Variants in IFT122 observed in about 807,000 individuals in gnomAD.
The protein encoded by IFT122 is intraflagellar transport 122, also known as intraflagellar transport protein 122 homolog.
In IFT122, 118 loss-of-function variants were observed where a neutral mutation model predicts 161.6. The ratio of observed to expected loss-of-function variants is 0.73; its 90% confidence interval spans 0.63 to 0.85. The LOEUF is 0.85. Among genes scored for constraint, IFT122 ranks in the 40% least tolerant of loss-of-function variants. IFT122 has a pLI of 0.00. For synonymous variants in IFT122, 550 were observed against 602.4 expected (o/e 0.91, Z 1.27); for missense variants, 1,381 against 1,579.6 (o/e 0.87, Z 2.13).
intron 23 of IFT122, among the ~76,000 whole-genome samples, chr3:129,511,173 G>C (rs1179492017): frequency 1.3e-5 from 2 of 152,200 alleles, no homozygotes; most frequent in Non-Finnish European, 2.9e-5. Context: ...ATCTTTCCCA[G>C]AGGAAAGGAC....
intron 4 of IFT122, among the ~76,000 whole-genome samples, chr3:129,460,613 C>G (rs1401772521): frequency 6.6e-6 from 1 of 152,076 alleles, no homozygotes; most frequent in Non-Finnish European, 1.5e-5. Context: ...ACCACATTTT[C>G]TTTATCCATT....
At chr3:129,500,949 A>G (rs2081459900) in intron 19 of IFT122, among the ~76,000 whole-genome samples, 1 of 152,226 alleles carries the variant, frequency 6.6e-6, no homozygotes, top group Non-Finnish European at 1.5e-5. Flanking sequence ...AGCTGAGGGC[A>G]TGAGAGAGAA....
chr3:129,479,277 A>T (rs1222943224), intron 12 of IFT122, among the ~76,000 whole-genome samples: 1 of 151,262 alleles, frequency 6.6e-6, no homozygotes, highest in East Asian at 1.9e-4. Flanking sequence ...AAAAAAAAAA[A>T]AATTATTTAA....
Position 129,483,615 on chromosome 3 carries a change from T to C in IFT122, c.1784T>C (p.Val595Ala), listed in dbSNP as rs766439305. The part of the protein sequence containing the change: ...VHRQKLQGFV[V>A]GYNGSKIFCL... ...CGGCAGAAGCTGCAGGGCTTTGTGG[T>C]CGGCTACAATGGCTCCAAGATCTTC... Residue 595 changes from valine to alanine, a missense_variant, in exon 15 of 30, where the codon GTC becomes GCC. Physicochemically the swap from Val to Ala is moderately conservative, Grantham distance 64 (BLOSUM62 0). This residue lies in a region of IFT122 where 544 missense variants were observed against 648.0 expected (regional missense o/e 0.84). Transcript: ENST00000348417. 1.2e-6 allele frequency: 2 copies of C among 1,613,766 alleles called. No individual in the cohort carries two copies. The highest frequency in any genetic ancestry group is 1.1e-5 in the South Asian group (1 of 91,032).
At chr3:129,453,335 A>G (rs974966344) in intron 3 of IFT122, among the ~76,000 whole-genome samples, 2 of 152,112 alleles carry the variant, frequency 1.3e-5, no homozygotes, top group Non-Finnish European at 2.9e-5. Flanking sequence ...GAGAGTGGCA[A>G]TGGGGAAGGG....
At chr3:129,515,059 G>A (rs2083315461) in intron 25 of IFT122, 1 of 371,822 alleles carries the variant, frequency 2.7e-6, no homozygotes, top group Non-Finnish European at 5.1e-6. Flanking sequence ...TTCACATCCC[G>A]GCTCCACCCT....
intron 26 of IFT122, among the ~76,000 whole-genome samples, chr3:129,516,309 GAGACTGCCCCTGCACACACAC>G: frequency 1.4e-5 from 1 of 70,582 alleles, no homozygotes; most frequent in Middle Eastern, 0.014. Flanking sequence ...CACACACACA[GAGACTGCCCCTGCACACACAC>G]AGAGACTGCC....
intron 8 of IFT122, 137 bp downstream of exon 8, chr3:129,467,203 A>T (rs1026741723): frequency 1.4e-6 from 1 of 729,404 alleles, no homozygotes; most frequent in African/African-American, 1.8e-5. Context: ...CGCCTTCAAA[A>T]AAAGGAGACA....
rs763905862 is a variant in IFT122, at chr3:129,476,393, G to T, written c.895G>T (p.Gly299Cys). ...TAAAGGCGAGTACATTTTGCTGGGGGGTTCAGACAAGCAAGTATCTCTTTT... is the reference window on the plus strand; with the variant it reads ...TAAAGGCGAGTACATTTTGCTGGGGTGTTCAGACAAGCAAGTATCTCTTTT... Reference protein sequence around the residue: ...FTKGEYILLGGSDKQVSLFTK... With the variant: ...FTKGEYILLGCSDKQVSLFTK... Residue 299 changes from glycine to cysteine, a missense_variant, in exon 10 of 30, where the codon GGT becomes TGT. Coordinates refer to ENST00000348417, the MANE Select transcript of IFT122 (RefSeq NM_052989.3). 6.2e-7 allele frequency: 1 copy of T among 1,614,070 alleles called. No individual in the cohort carries two copies.
chr3:129,444,647 G>A (rs534726239), intron 1 of IFT122, among the ~76,000 whole-genome samples: 1 of 151,834 alleles, frequency 6.6e-6, no homozygotes, highest in South Asian at 2.1e-4. Flanking sequence ...TCAGCCTCCC[G>A]AGTAGGTGGG....
intron 4 of IFT122, chr3:129,459,561 CA>C (rs1365761453): frequency 5.0e-6 from 1 of 198,726 alleles, no homozygotes; most frequent in African/African-American, 2.4e-5. Flanking sequence ...GTCCCTGATA[CA>C]ATGCCTAGCC....
intron 14 of IFT122, among the ~76,000 whole-genome samples, chr3:129,482,508 C>T (rs1193867329): frequency 6.6e-6 from 1 of 152,170 alleles, no homozygotes; most frequent in Non-Finnish European, 1.5e-5. Flanking sequence ...CCAGGCTCCT[C>T]CTTGTTCTCA....
rs186846736 is a variant in IFT122 at position 129,519,758 on chromosome 3, A to G, written c.3636+26A>G. 383 of 1,612,352 alleles carry G rather than the reference A, an allele frequency of 2.4e-4. 4 individuals are homozygous for G. The East Asian group carries it at 7.5e-3, about 32-fold the overall frequency. Reference sequence around the variant, plus strand: ...GTAGGTGGCCACCCTGGTAGCTCACATGTGCTTCTCTTGGCCACTTTTCCC... The same window carrying G: ...GTAGGTGGCCACCCTGGTAGCTCACGTGTGCTTCTCTTGGCCACTTTTCCC... On this transcript the variant is annotated intron_variant, in intron 29 of 29. Coordinates refer to ENST00000348417, the MANE Select transcript of IFT122 (RefSeq NM_052989.3).
intron 1 of IFT122, 58 bp from the exon 2 acceptor site, chr3:129,449,813 A>G: frequency 1.7e-6 from 2 of 1,165,970 alleles, no homozygotes; most frequent in Non-Finnish European, 2.6e-6. Context: ...TTTCCTGGCC[A>G]TTAGCAGACT....
rs762811336 is a variant in IFT122 at position 129,461,224 on chromosome 3, C to T, written c.273-4C>T. On this transcript the variant is annotated splice_polypyrimidine_tract_variant and splice_region_variant and intron_variant, in intron 4 of 29. Coordinates refer to ENST00000348417, the MANE Select transcript of IFT122 (RefSeq NM_052989.3). ...ATAGTAATCTACAGTTGTTTACTTC[C>T]CAGGCACAATGATGCTATACAATGT... The T allele has an allele frequency of 6.2e-7, 1 of 1,609,630 alleles. No individual in the cohort carries two copies. The highest frequency in any genetic ancestry group is 1.1e-5 in the South Asian group (1 of 90,990).
Position 129,452,573 on chromosome 3 carries a change from G to T in IFT122, c.193+575G>T, listed in dbSNP as rs183978044. On this transcript the variant is annotated intron_variant, in intron 3 of 29. Coordinates refer to ENST00000348417, the MANE Select transcript of IFT122 (RefSeq NM_052989.3). ...AGCTCTTTGCAGAGGAAGAGCCATT[G>T]CAGAGGCCCTCAGGTGTGGGTGTGG... Among the ~76,000 whole-genome samples, 82 of 152,272 alleles carry T rather than the reference G, an allele frequency of 5.4e-4. 1 individual carries two copies. The East Asian group carries it at 0.016, about 29-fold the overall frequency.
chr3:129,493,160 G>A (rs2080358678), intron 17 of IFT122, among the ~76,000 whole-genome samples: 1 of 152,110 alleles, frequency 6.6e-6, no homozygotes, highest in Admixed American at 6.6e-5. Context: ...AGTGCTGTCT[G>A]GCTGTCTGTT....
chr3:129,476,682 GC>G lies in IFT122; in HGVS notation c.1029del (p.Thr344ProfsTer26). The G allele has an allele frequency of 6.2e-7, 1 of 1,614,190 alleles. No homozygotes were observed. The highest frequency in any genetic ancestry group is 1.1e-5 in the South Asian group (1 of 91,082). ...SNYVVVGCQD[G>X]TISFYQLIFS... Reference sequence around the variant, plus strand: ...CCGCAGGTGGTCGGCTGCCAGGACGGCACCATTTCCTTCTACCAGCTTATTT... The same window carrying G: ...CCGCAGGTGGTCGGCTGCCAGGACGGACCATTTCCTTCTACCAGCTTATTT... On this transcript the variant is annotated frameshift_variant, in exon 11 of 30. Coordinates refer to ENST00000348417, the MANE Select transcript of IFT122 (RefSeq NM_052989.3). LOFTEE classifies it high-confidence loss of function.
chr3:129,509,030 T>A (rs2082487278), intron 23 of IFT122, among the ~76,000 whole-genome samples: 1 of 152,186 alleles, frequency 6.6e-6, no homozygotes, highest in Non-Finnish European at 1.5e-5. Flanking sequence ...ATCATGACCT[T>A]TTTTTGGTGC....
Sources: gnomAD v4.1 joint callset for allele counts (sites outside exome capture counted in the v4.1 genomes callset) on GRCh38, gnomAD v4.1.1 for gene constraint, gnomAD v4.1.1 regional missense constraint, MANE v1.5 for transcripts, NCBI Gene and HGNC (gene_info 2026-07-23, HGNC 2026-07-21) for gene names.